The following MANEA variants were observed in gnomAD, a reference collection of about 807,000 sequenced individuals.
MANEA encodes glycoprotein endo-alpha-1,2-mannosidase.
In MANEA, 25 loss-of-function variants were observed where a neutral mutation model predicts 36.8. The observed-to-expected ratio is 0.68, with a 90% confidence interval of 0.50 to 0.95. The LOEUF (loss-of-function observed/expected upper bound fraction) is 0.95, where lower values mean the gene tolerates loss of function less well. MANEA is among the 40% of genes least tolerant of loss of function. The probability of loss-of-function intolerance (pLI) is 0.00; values close to 1 mark genes in which losing one functional copy is unlikely to be tolerated. For synonymous variants in MANEA, 198 were observed against 188.5 expected (o/e 1.05, Z -0.41); for missense variants, 565 against 558.8 (o/e 1.01, Z -0.11).
chr6:95,605,725 T>C, intron 4 of MANEA, 23 bp from the exon 5 acceptor site: 1 of 1,575,586 alleles, frequency 6.3e-7, no homozygotes, highest in South Asian at 1.1e-5. Flanking sequence ...TTCATTTCAC[T>C]TTTATATATG....
rs1239133849 is a variant in MANEA at position 95,586,880 on chromosome 6, A to G, written c.441A>G (p.Pro147=). 6.2e-7 allele frequency: 1 copy of G among 1,613,624 alleles called. No homozygotes were observed. Among genetic ancestry groups the G allele is most frequent in the Non-Finnish European group, 8.5e-7 (1 of 1,179,560 alleles). The change falls in exon 2 of 5, where the codon CCA becomes CCG. Residue 147 remains proline (P), a synonymous_variant. Coordinates refer to ENST00000358812, the MANE Select transcript of MANEA (RefSeq NM_024641.4). The part of the protein sequence containing the change: ...KNYPQGRHNP[P]DDIGSSFYPE... ...ATCCACAAGGGAGACACAACCCTCC[A>G]GATGACATTGGCTCCAGCTTTTATC...
intron 1 of MANEA, among the ~76,000 whole-genome samples, chr6:95,577,930 T>G (rs1391208646): frequency 5.3e-5 from 8 of 152,224 alleles, no homozygotes; most frequent in African/African-American, 1.7e-4. Context: ...CGTCGCCGCC[T>G]CCTCTTTGAA....
chr6:95,578,190 C>T (rs1465663909), intron 1 of MANEA, among the ~76,000 whole-genome samples: 2 of 152,176 alleles, frequency 1.3e-5, no homozygotes, highest in African/African-American at 4.8e-5. Flanking sequence ...TTCAGTTCAC[C>T]TGTTAACGTG....
intron 3 of MANEA, among the ~76,000 whole-genome samples, chr6:95,598,975 T>G (rs1034115083): frequency 6.6e-6 from 1 of 152,170 alleles, no homozygotes. Context: ...AAATGACTTG[T>G]GTCTCAGCTT....
At chr6:95,589,274 T>C (rs879549811) in intron 2 of MANEA, among the ~76,000 whole-genome samples, 2 of 152,152 alleles carry the variant, frequency 1.3e-5, no homozygotes, top group Admixed American at 6.5e-5. Flanking sequence ...ATTCTTTGGA[T>C]TGAAGAAGAT....
chr6:95,588,010 G>T (rs1769319560), intron 2 of MANEA, among the ~76,000 whole-genome samples: 1 of 151,598 alleles, frequency 6.6e-6, no homozygotes, highest in Middle Eastern at 3.4e-3. Flanking sequence ...TCTTATTGTT[G>T]TTCCCACCGC....
At position 95,607,295 on chromosome 6, in the gene MANEA, G is replaced by A. The variant is rs1769735769; in HGVS notation, c.*890G>A. The stretch of plus-strand genomic sequence containing the variant: ...AATATCATTTTTAGTATATCTTGTC[G>A]ATCTTTAAGTTGTTACTATTGTGTT... On this transcript the variant is annotated 3_prime_UTR_variant, in exon 5 of 5. Coordinates refer to ENST00000358812, the MANE Select transcript of MANEA (RefSeq NM_024641.4). 6.6e-6 allele frequency: 1 copy of A among 152,022 alleles called. No individual in the cohort carries two copies. The highest frequency in any genetic ancestry group is 6.6e-5 in the Admixed American group (1 of 15,258). 9.4% of individuals were successfully genotyped at this position (152,022 alleles called of 1,614,324 possible).
intron 3 of MANEA, among the ~76,000 whole-genome samples, chr6:95,602,276 T>C (rs1405684625): frequency 6.6e-6 from 1 of 152,220 alleles, no homozygotes; most frequent in Non-Finnish European, 1.5e-5. Flanking sequence ...GTATTATCTC[T>C]TTCCCTAAAA....
intron 3 of MANEA, among the ~76,000 whole-genome samples, chr6:95,599,289 T>G (rs1041633336): frequency 6.6e-6 from 1 of 151,980 alleles, no homozygotes; most frequent in Non-Finnish European, 1.5e-5. Context: ...ATACTACACC[T>G]GTAGTCCCAG....
chr6:95,605,334 C>A (rs1280569663), intron 4 of MANEA, among the ~76,000 whole-genome samples: 1 of 152,054 alleles, frequency 6.6e-6, no homozygotes, highest in Non-Finnish European at 1.5e-5. Flanking sequence ...ATACAGTTTT[C>A]ATTTTTTGAA....
Position 95,606,137 on chromosome 6 carries a change from G to C in MANEA, c.1121G>C (p.Arg374Pro). 1 of 1,613,916 alleles carries C rather than the reference G, an allele frequency of 6.2e-7. No homozygotes were observed. Among genetic ancestry groups the C allele is most frequent in the Non-Finnish European group, 8.5e-7 (1 of 1,179,956 alleles). The change falls in exon 5 of 5, where the codon CGG becomes CCG. Residue 374 changes from arginine (R) to proline (P), a missense_variant. By Grantham distance (103) the Arg-to-Pro change is moderately radical. Transcript: ENST00000358812. Reference sequence around the variant, plus strand: ...CGTCCATGGAACACGCAAAACACTCGGAACCGAATCAATGGGAAGTATTAT... The same window carrying C: ...CGTCCATGGAACACGCAAAACACTCCGAACCGAATCAATGGGAAGTATTAT... Reference protein sequence around the residue: ...SIRPWNTQNTRNRINGKYYEI... With the variant: ...SIRPWNTQNTPNRINGKYYEI...
chr6:95,602,937 G>A (rs530553834), intron 3 of MANEA, among the ~76,000 whole-genome samples: 14 of 148,906 alleles, frequency 9.4e-5, no homozygotes, highest in African/African-American at 3.0e-4. Context: ...GGAGAATGGC[G>A]TGAACCCGGG....
At chr6:95,586,306 A>G (rs1351027415) in intron 1 of MANEA, 96 bp from the exon 2 acceptor site, 7 of 677,442 alleles carry the variant, frequency 1.0e-5, no homozygotes, top group South Asian at 7.8e-5. Context: ...TAATTATTCA[A>G]TGTAATGAAA....
intron 3 of MANEA, among the ~76,000 whole-genome samples, chr6:95,599,118 C>A (rs1769540111): frequency 6.6e-6 from 1 of 152,030 alleles, no homozygotes; most frequent in Non-Finnish European, 1.5e-5. Flanking sequence ...AATAAAACTT[C>A]ATTGATTATT....
At chr6:95,582,041 A>G (rs944217937) in intron 1 of MANEA, among the ~76,000 whole-genome samples, 7 of 151,950 alleles carry the variant, frequency 4.6e-5, no homozygotes, top group African/African-American at 1.7e-4. Flanking sequence ...TACATCCAAA[A>G]TATTATTTTT....
In MANEA at chr6:95,584,819, G is replaced by T. The variant is rs574217451; in HGVS notation, c.-38-1583G>T. 2.6e-5 allele frequency among the ~76,000 whole-genome samples: 4 copies of T among 152,128 alleles called. No individual in the cohort carries two copies. In the South Asian group the frequency reaches 6.2e-4, roughly 24 times the overall value. On this transcript the variant is annotated intron_variant, in intron 1 of 4. Transcript: ENST00000358812. ...GCCCAACTGTAAAATTCCTCTCTTTGTACTCTCTCTCTTATTTCTCAGACT... is the reference window on the plus strand; with the variant it reads ...GCCCAACTGTAAAATTCCTCTCTTTTTACTCTCTCTCTTATTTCTCAGACT...
rs201656179 is a variant in MANEA at position 95,586,446 on chromosome 6, A to G, written c.7A>G (p.Lys3Glu). 5 of 1,603,874 alleles carry G rather than the reference A, an allele frequency of 3.1e-6. No homozygotes were observed. In the Admixed American group the frequency reaches 8.5e-5, roughly 27 times the overall value. MA[K>E]FRRRTCIILA... ...GAGTTTAAAGTATGTCATCATGGCA[A>G]AGTTTCGGAGAAGGACTTGCATCAT... The change falls in exon 2 of 5, where the codon AAG (lysine) becomes GAG (glutamate). Residue 3 changes from lysine to glutamate, a missense_variant. Transcript: ENST00000358812.
Position 95,586,133 on chromosome 6 carries a change from A to C in MANEA, c.-38-269A>C, listed in dbSNP as rs182267092. Among the ~76,000 whole-genome samples, 1,024 of 152,326 alleles carry C rather than the reference A, an allele frequency of 6.7e-3. 7 individuals carry two copies. Among genetic ancestry groups the C allele is most frequent in the Non-Finnish European group, 0.011 (764 of 68,030 alleles). On this transcript the variant is annotated intron_variant, in intron 1 of 4. Coordinates refer to ENST00000358812, the MANE Select transcript of MANEA (RefSeq NM_024641.4). ...TTAATTTCTTAAATAAAATTTCCTA[A>C]AGGTTCGTCTGACTAAACGTAATTG... is the stretch of plus-strand genomic sequence containing the variant.
At chr6:95,596,870 A>C (rs1247841179) in intron 3 of MANEA, 24 bp downstream of exon 3, 3 of 1,204,238 alleles carry the variant, frequency 2.5e-6, no homozygotes, top group Non-Finnish European at 3.7e-6. Context: ...TTTTCAAGCT[A>C]TACATAAGTT....
Sources: gnomAD v4.1 joint callset for allele counts (sites outside exome capture counted in the v4.1 genomes callset) on GRCh38, gnomAD v4.1.1 for gene constraint, MANE v1.5 for transcripts, NCBI Gene and HGNC (gene_info 2026-07-23, HGNC 2026-07-21) for gene names.